Variants in DMD observed in about 807,000 individuals in gnomAD.
DMD encodes mutant dystrophin.
A neutral mutation model predicts 330.1 loss-of-function variants in DMD; 63 were observed. That is an observed-to-expected ratio of 0.19 (90% CI 0.16 to 0.24). The LOEUF is 0.24. Among genes scored for constraint, DMD ranks in the 10% least tolerant of loss-of-function variants. DMD has a pLI of 1.00. For synonymous variants in DMD, 1,223 were observed against 959.8 expected (o/e 1.27, Z -5.07); for missense variants, 3,344 against 2,684.1 (o/e 1.25, Z -5.43).
intron 44 of DMD, among the ~76,000 whole-genome samples, chrX:32,205,005 T>TCTCTCTCTCTCTCA (rs60181300): frequency 3.4e-5 from 1 of 29,223 alleles, no homozygotes; most frequent in African/African-American, 1.1e-4. Flanking sequence ...TCTCTCTCTC[T>TCTCTCTCTCTCTCA]CACATACACA....
chrX:31,588,750 C>T (rs1229106459), intron 55 of DMD, among the ~76,000 whole-genome samples: 3 of 110,538 alleles, frequency 2.7e-5, no homozygotes, highest in Admixed American at 9.8e-5. Flanking sequence ...AATACCCTGC[C>T]CCTCCCAACA....
At chrX:32,237,797 T>A (rs1035773979) in intron 43 of DMD, among the ~76,000 whole-genome samples, 6 of 112,099 alleles carry the variant, frequency 5.4e-5, no homozygotes, top group African/African-American at 1.3e-4. Flanking sequence ...AGAGACTGAA[T>A]CAGCTTAGAT....
chrX:32,003,581 T>C (rs754128828), intron 44 of DMD, among the ~76,000 whole-genome samples: 1 of 111,867 alleles, frequency 8.9e-6, no homozygotes, highest in African/African-American at 3.2e-5. Flanking sequence ...AATTTGGGAT[T>C]ACCTGTGTTG....
At chrX:32,560,004 T>C (rs2050802314) in intron 16 of DMD, among the ~76,000 whole-genome samples, 1 of 111,289 alleles carries the variant, frequency 9.0e-6, no homozygotes, top group African/African-American at 3.3e-5. Flanking sequence ...TATTTTATCT[T>C]AAAGAGGTGC....
chrX:32,816,704 A>C (rs1256362583), intron 5 of DMD, 64 bp from the exon 6 acceptor site: 1 of 1,059,242 alleles, frequency 9.4e-7, no homozygotes, highest in African/African-American at 1.8e-5. Flanking sequence ...TGCAAACTTA[A>C]ATATGAATGT....
rs1556834486 is a variant in DMD at position 31,709,578 on chromosome X, C to CTG, written c.7660+20052_7660+20053insCA. Among the ~76,000 whole-genome samples, 20 of 81,851 alleles carry CTG rather than the reference C, an allele frequency of 2.4e-4. 1 individual carries two copies. Among genetic ancestry groups the CTG allele is most frequent in the South Asian group, 1.0e-3 (2 of 1,951 alleles). The allele number at this position is 81,851 out of a possible 115,157, so 71.1% of individuals were successfully genotyped here. ...CAGCTCTCTCTCTCTCTCTCTCTCT[C>CTG]TCTGTCTGTGTGTGTGTGTGTGTGT... On this transcript the variant is annotated intron_variant, in intron 52 of 78. Coordinates refer to ENST00000357033, the MANE Select transcript of DMD (RefSeq NM_004006.3).
chrX:33,128,434 A>C, intron 1 of DMD: 8 of 968,505 alleles, frequency 8.3e-6, no homozygotes, highest in Non-Finnish European at 1.0e-5. Context: ...AGCATTTTGC[A>C]AACACTCCCC....
chrX:33,102,148 T>C (rs1357975297), intron 1 of DMD, among the ~76,000 whole-genome samples: 2 of 111,849 alleles, frequency 1.8e-5, no homozygotes, highest in Non-Finnish European at 3.8e-5. Flanking sequence ...AGGTTTGTTG[T>C]TTGCCACAAT....
intron 1 of DMD, among the ~76,000 whole-genome samples, chrX:33,079,791 A>G (rs2094899481): frequency 1.8e-5 from 2 of 111,711 alleles, no homozygotes; most frequent in Middle Eastern, 4.7e-3. Context: ...CCAAAACGAT[A>G]ACTCCAAAAT....
chrX:31,693,993 T>A (rs1005374273), intron 52 of DMD, among the ~76,000 whole-genome samples: 1 of 111,547 alleles, frequency 9.0e-6, no homozygotes, highest in Non-Finnish European at 1.9e-5. Flanking sequence ...TGGAAGTATG[T>A]CACTACTGGA....
intron 2 of DMD, among the ~76,000 whole-genome samples, chrX:32,977,155 C>A (rs1311829294): frequency 4.0e-4 from 44 of 109,664 alleles, no homozygotes. Flanking sequence ...CAAAAATTAA[C>A]CGGGCATGGT....
chrX:32,091,010 T>C (rs890843290), intron 44 of DMD, among the ~76,000 whole-genome samples: 6 of 112,406 alleles, frequency 5.3e-5, no homozygotes, highest in African/African-American at 1.9e-4. Flanking sequence ...GGCTTAAATG[T>C]AGCACTTTTA....
intron 58 of DMD, 86 bp from the exon 59 acceptor site, chrX:31,478,460 T>C: frequency 8.7e-7 from 1 of 1,151,873 alleles, no homozygotes; most frequent in East Asian, 3.0e-5. Context: ...AAAGAAAGAG[T>C]ACAGTTGAAC....
In DMD at chrX:32,777,277, T is replaced by TGGGGGGGGGGGGGGGGTGGGG. The variant is rs546914107; in HGVS notation, c.649+32215_649+32216insCCCCACCCCCCCCCCCCCCCC. ...CTAGTTTTTAAGTTTGGTTTCTGGT[T>TGGGGGGGGGGGGGGGGTGGGG]GGGGGGGGAATCCTACCAAGCTAGG... On this transcript the variant is annotated intron_variant, in intron 7 of 78. Transcript: ENST00000357033. Among the ~76,000 whole-genome samples the TGGGGGGGGGGGGGGGGTGGGG allele has an allele frequency of 4.3e-3, 9 of 2,111 alleles. 1 individual carries two copies. Among genetic ancestry groups the TGGGGGGGGGGGGGGGGTGGGG allele is most frequent in the Non-Finnish European group, 4.9e-3 (7 of 1,428 alleles). The allele number at this position is 2,111 out of a possible 115,157, so 1.8% of individuals were successfully genotyped here. A position where few individuals can be genotyped will look rare whatever the true frequency, so the allele number is the denominator to read the frequency against.
intron 44 of DMD, among the ~76,000 whole-genome samples, chrX:32,088,169 T>C (rs1316475515): frequency 8.9e-6 from 1 of 112,138 alleles, no homozygotes; most frequent in Non-Finnish European, 1.9e-5. Flanking sequence ...TGGGCTTCTT[T>C]AAGGAAATAC....
intron 17 of DMD, among the ~76,000 whole-genome samples, chrX:32,526,335 A>T (rs2046935086): frequency 8.9e-6 from 1 of 111,872 alleles, no homozygotes; most frequent in Non-Finnish European, 1.9e-5. Context: ...TGAAGCGACA[A>T]TTTTTTTCTC....
At chrX:32,973,427 T>A (rs960838365) in intron 2 of DMD, among the ~76,000 whole-genome samples, 1 of 111,364 alleles carries the variant, frequency 9.0e-6, no homozygotes, top group African/African-American at 3.3e-5. Flanking sequence ...ATGGCAAGAG[T>A]AATGTTTTGT....
intron 9 of DMD, among the ~76,000 whole-genome samples, chrX:32,685,490 A>G (rs1468158756): frequency 1.8e-5 from 2 of 111,857 alleles, no homozygotes; most frequent in African/African-American, 6.5e-5. Flanking sequence ...GTTATAATGA[A>G]GATAAAATGT....
At chrX:32,737,326 G>T (rs906819321) in intron 7 of DMD, among the ~76,000 whole-genome samples, 4 of 111,206 alleles carry the variant, frequency 3.6e-5, no homozygotes, top group African/African-American at 9.8e-5. Flanking sequence ...GATTTAGTGT[G>T]AGGAAAGAAA....
Sources: allele counts gnomAD v4.1 joint callset (sites outside exome capture counted in the v4.1 genomes callset), GRCh38; gene constraint gnomAD v4.1.1; transcripts MANE v1.5; gene names NCBI Gene and HGNC (gene_info 2026-07-23, HGNC 2026-07-21).